RGL1: variants seen among roughly 807,000 people sequenced by gnomAD.
The protein encoded by RGL1 is ral guanine nucleotide dissociation stimulator-like 1.
Under a neutral mutation model 95.2 loss-of-function variants are expected in RGL1, and 24 were observed. The observed-to-expected ratio is 0.25, with a 90% CI of 0.18 to 0.35. The LOEUF (loss-of-function observed/expected upper bound fraction) is 0.35. RGL1 is among the 10% of genes least tolerant of loss of function. The probability of loss-of-function intolerance (pLI) is 1.00; values close to 1 mark genes in which losing one functional copy is unlikely to be tolerated. For missense variants in RGL1, 715 were observed against 936.3 expected (o/e 0.76, Z 3.08); for synonymous variants, 329 against 344.9 (o/e 0.95, Z 0.51).
intron 3 of RGL1, among the ~76,000 whole-genome samples, chr1:183,854,330 C>T (rs907571352): frequency 1.3e-5 from 2 of 152,128 alleles, no homozygotes; most frequent in Admixed American, 6.5e-5. Context: ...TCCCTGACCT[C>T]GATCAGCTTT....
At chr1:183,923,630 T>C (rs1458194713) in intron 17 of RGL1, among the ~76,000 whole-genome samples, 1 of 152,114 alleles carries the variant, frequency 6.6e-6, no homozygotes, top group African/African-American at 2.4e-5. Context: ...CCTTGGTCCT[T>C]AATTAGAGAC....
intron 2 of RGL1, among the ~76,000 whole-genome samples, chr1:183,822,288 T>G (rs1276737154): frequency 6.6e-6 from 1 of 152,220 alleles, no homozygotes; most frequent in African/African-American, 2.4e-5. Flanking sequence ...GCCAGATTCT[T>G]TAAAAATTAT....
intron 2 of RGL1, among the ~76,000 whole-genome samples, chr1:183,783,296 A>C (rs565539172): frequency 4.6e-4 from 70 of 152,322 alleles, no homozygotes; most frequent in African/African-American, 1.4e-3. Context: ...CAAAGGGAAG[A>C]AAATAAGGAA....
chr1:183,702,159 C>A (rs1654634258), intron 1 of RGL1, among the ~76,000 whole-genome samples: 1 of 151,976 alleles, frequency 6.6e-6, no homozygotes, highest in Non-Finnish European at 1.5e-5. Context: ...CCATTGTTTA[C>A]AAATTCTGGT....
chr1:183,750,417 T>C (rs188193458), intron 2 of RGL1, among the ~76,000 whole-genome samples: 5 of 152,366 alleles, frequency 3.3e-5, no homozygotes, highest in Admixed American at 2.6e-4. Flanking sequence ...TATCAGGTCA[T>C]TTATGTTCTT....
chr1:183,815,458 A>T (rs950961119), intron 2 of RGL1, among the ~76,000 whole-genome samples: 2 of 152,198 alleles, frequency 1.3e-5, no homozygotes, highest in African/African-American at 4.8e-5. Flanking sequence ...TGTCTGTTTT[A>T]AAAATGACTT....
Position 183,883,925 on chromosome 1 carries a change from T to C in RGL1, c.735+15T>C. On this transcript the variant is annotated intron_variant, in intron 6 of 17. Transcript: ENST00000360851. ...ACATGGATGCAGTATGTCTTCTCTT[T>C]GTGATCAGATGTACTTTCACTTAAA... 4.3e-6 allele frequency: 7 copies of C among 1,613,124 alleles called. No homozygotes were observed. The highest frequency in any genetic ancestry group is 5.9e-6 in the Non-Finnish European group (7 of 1,179,356).
At chr1:183,691,836 G>A in intron 1 of RGL1, among the ~76,000 whole-genome samples, 1 of 151,948 alleles carries the variant, frequency 6.6e-6, no homozygotes, top group Admixed American at 6.6e-5. Flanking sequence ...TAATAATGTT[G>A]AATTTTAATA....
chr1:183,846,924 G>A (rs934587152), intron 2 of RGL1, among the ~76,000 whole-genome samples: 5 of 152,044 alleles, frequency 3.3e-5, no homozygotes. Flanking sequence ...ACAAAACAAA[G>A]GGAATGCTTG....
At chr1:183,708,260 G>T (rs1243421969) in intron 1 of RGL1, among the ~76,000 whole-genome samples, 1 of 152,128 alleles carries the variant, frequency 6.6e-6, no homozygotes, top group Non-Finnish European at 1.5e-5. Flanking sequence ...AGGCTCGGGA[G>T]AACAGGGAAA....
chr1:183,702,382 A>G (rs1009365320), intron 1 of RGL1, among the ~76,000 whole-genome samples: 2 of 152,230 alleles, frequency 1.3e-5, no homozygotes, highest in African/African-American at 4.8e-5. Context: ...ATAGTAGAAT[A>G]TGTATTCCTT....
At chr1:183,816,237 G>A (rs1662079322) in intron 2 of RGL1, among the ~76,000 whole-genome samples, 1 of 151,888 alleles carries the variant, frequency 6.6e-6, no homozygotes, top group Admixed American at 6.6e-5. Context: ...CTTAACAGTG[G>A]GCCATATTCT....
At chr1:183,715,797 G>T (rs1655589757) in intron 1 of RGL1, among the ~76,000 whole-genome samples, 1 of 152,058 alleles carries the variant, frequency 6.6e-6, no homozygotes, top group African/African-American at 2.4e-5. Flanking sequence ...GATGGAGAAA[G>T]AAACTATAAG....
At chr1:183,824,158 T>G (rs1032105872) in intron 2 of RGL1, among the ~76,000 whole-genome samples, 2 of 152,188 alleles carry the variant, frequency 1.3e-5, no homozygotes, top group Non-Finnish European at 2.9e-5. Context: ...TCTGGGATTT[T>G]GGGAACATTT....
At chr1:183,862,227 C>T (rs1157374195) in intron 3 of RGL1, among the ~76,000 whole-genome samples, 1 of 152,098 alleles carries the variant, frequency 6.6e-6, no homozygotes, top group African/African-American at 2.4e-5. Flanking sequence ...TCTGTGGTCC[C>T]AGCTAGTGCC....
chr1:183,695,867 C>T (rs181791159), intron 1 of RGL1, among the ~76,000 whole-genome samples: 4 of 151,664 alleles, frequency 2.6e-5, no homozygotes, highest in South Asian at 2.1e-4. Context: ...AAGTTTTGTT[C>T]GGTTGTCCCC....
chr1:183,693,502 C>G (rs12042153), intron 1 of RGL1, among the ~76,000 whole-genome samples: 4 of 151,566 alleles, frequency 2.6e-5, no homozygotes, highest in African/African-American at 9.7e-5. Flanking sequence ...CTCTTTCTTT[C>G]GATCATTCCT....
chr1:183,674,195 G>A (rs1652667717), intron 1 of RGL1, among the ~76,000 whole-genome samples: 1 of 151,840 alleles, frequency 6.6e-6, no homozygotes, highest in Non-Finnish European at 1.5e-5. Flanking sequence ...ATGCCAAGAT[G>A]GTCTGAGCAA....
In RGL1 at chr1:183,645,580, AC is replaced by A. The variant is rs1414986262; in HGVS notation, c.-33+9082del. ...CAGTTGGCTGAAGAGGGGTGGAGCAACCCAATTTCTCTCTCTCAATCCCCGG... is the reference window on the plus strand; with the variant it reads ...CAGTTGGCTGAAGAGGGGTGGAGCAACCAATTTCTCTCTCTCAATCCCCGG... On this transcript the variant is annotated intron_variant, in intron 1 of 18. Coordinates refer to the RGL1 transcript ENST00000304685. 2.0e-5 allele frequency among the ~76,000 whole-genome samples: 3 copies of A among 152,194 alleles called. No individual in the cohort carries two copies. In the East Asian group the frequency reaches 5.8e-4, roughly 29 times the overall value.
Sources: gnomAD v4.1 joint callset for allele counts (sites outside exome capture counted in the v4.1 genomes callset) on GRCh38, gnomAD v4.1.1 for gene constraint, MANE v1.5 for transcripts, NCBI Gene and HGNC (gene_info 2026-07-23, HGNC 2026-07-21) for gene names.